GTF2IRD2: variants seen among roughly 807,000 people sequenced by gnomAD.
GTF2IRD2 encodes general transcription factor II-I repeat domain-containing protein 2A.
In GTF2IRD2, 8 loss-of-function variants were observed where a neutral mutation model predicts 49.2. That is an observed-to-expected ratio of 0.16 (90% CI 0.10 to 0.29). The LOEUF is 0.29. Among genes scored for constraint, GTF2IRD2 ranks in the 10% least tolerant of loss-of-function variants. GTF2IRD2 has a pLI of 1.00. For missense variants in GTF2IRD2, 130 were observed against 725.7 expected (o/e 0.18, Z 9.43); for synonymous variants, 47 against 289.7 (o/e 0.16, Z 8.51).
intron 15 of GTF2IRD2, 152 bp from the exon 16 acceptor site, chr7:74,798,417 G>A (rs1554416616): frequency 3.2e-6 from 2 of 615,960 alleles, no homozygotes; most frequent in African/African-American, 3.7e-5. Flanking sequence ...CCTGCAGAGG[G>A]ACGGCTGACC....
chr7:74,838,409 GT>G (rs1335719529), intron 1 of GTF2IRD2, among the ~76,000 whole-genome samples: 3 of 92,796 alleles, frequency 3.2e-5, no homozygotes, highest in African/African-American at 2.1e-4. Context: ...CTTTTTGTTT[GT>G]TTTGTTTTTA....
Position 74,839,084 on chromosome 7 carries a change from T to A in GTF2IRD2, c.-5-2701A>T, listed in dbSNP as rs1460072185. 3.6e-4 allele frequency among the ~76,000 whole-genome samples: 9 copies of A among 25,030 alleles called. 4 individuals carry two copies. The highest frequency in any genetic ancestry group is 4.6e-4 in the Non-Finnish European group (7 of 15,326). The allele number at this position is 25,030 out of a possible 152,430, so 16.4% of individuals were successfully genotyped here. ...GGATTACAGGCAGGCGCCACCATGC[T>A]CGGCTAATTTTTGTATTTTTAGTAG... On this transcript the variant is annotated intron_variant, in intron 1 of 15. Transcript: ENST00000451013.
rs1412698795 is a variant in GTF2IRD2 at position 74,815,845 on chromosome 7, A to C, written c.671-3029T>G. 1.1e-3 allele frequency among the ~76,000 whole-genome samples: 119 copies of C among 108,612 alleles called. 2 individuals are homozygous for C. The South Asian group carries it at 0.037, about 33-fold the overall frequency. The allele number at this position is 108,612 out of a possible 152,430, so 71.3% of individuals were successfully genotyped here. A position where few individuals can be genotyped will look rare whatever the true frequency, so the allele number is the denominator to read the frequency against. On this transcript the variant is annotated intron_variant, in intron 8 of 15. Transcript: ENST00000451013. ...AAGAAAGAAAGAAAGAAAGAAAGAA[A>C]GAAAGAAAGAAAGAAAGAAAGAGAA...
intron 3 of GTF2IRD2, among the ~76,000 whole-genome samples, chr7:74,826,699 C>CTTTTTTTTT (rs1175596623): frequency 6.0e-5 from 1 of 16,600 alleles, no homozygotes; most frequent in Non-Finnish European, 9.8e-5. Context: ...TCATTTCATT[C>CTTTTTTTTT]TTTTTTTTTT....
chr7:74,831,218 C>G (rs1242153005), intron 3 of GTF2IRD2, among the ~76,000 whole-genome samples: 1 of 150,754 alleles, frequency 6.6e-6, no homozygotes, highest in Non-Finnish European at 1.5e-5. Context: ...CTCTCTCTCT[C>G]TATCCATTCA....
rs1238505309 is a variant in GTF2IRD2 at position 74,810,575 on chromosome 7, C to T, written c.805+321G>A. ...CAGCACTATGGGAGGCAGAGGTGGACGGATCACTTGAGGTCAGGAGTTCAA... is the reference window on the plus strand; with the variant it reads ...CAGCACTATGGGAGGCAGAGGTGGATGGATCACTTGAGGTCAGGAGTTCAA... On this transcript the variant is annotated intron_variant, in intron 10 of 15. Transcript: ENST00000451013. Among the ~76,000 whole-genome samples, 4 of 78,964 alleles carry T rather than the reference C, an allele frequency of 5.1e-5. 1 individual carries two copies. Among genetic ancestry groups the T allele is most frequent in the Non-Finnish European group, 6.5e-5 (2 of 30,722 alleles). The allele number at this position is 78,964 out of a possible 152,430, so 51.8% of individuals were successfully genotyped here.
In GTF2IRD2 at chr7:74,809,859, T is replaced by A. The variant is rs1462297648; in HGVS notation, c.806-686A>T. Among the ~76,000 whole-genome samples the A allele has an allele frequency of 3.7e-4, 42 of 112,526 alleles. 2 individuals carry two copies. Among genetic ancestry groups the A allele is most frequent in the Admixed American group, 1.5e-3 (15 of 10,132 alleles). 73.8% of individuals were successfully genotyped at this position (112,526 alleles called of 152,430 possible). On this transcript the variant is annotated intron_variant, in intron 10 of 15. Coordinates refer to ENST00000451013, the MANE Select transcript of GTF2IRD2 (RefSeq NM_173537.5). ...CCCAGGCTGGAGTGGAATGGTGCGATTTCGGCTCACTGCAGCCTCCGCCTC... is the reference window on the plus strand; with the variant it reads ...CCCAGGCTGGAGTGGAATGGTGCGAATTCGGCTCACTGCAGCCTCCGCCTC...
chr7:74,818,647 G>T (rs1219086710), intron 8 of GTF2IRD2, among the ~76,000 whole-genome samples: 5 of 132,652 alleles, frequency 3.8e-5, no homozygotes, highest in Non-Finnish European at 7.5e-5. Flanking sequence ...ATGAAGTCTC[G>T]CCATGTTGCC....
chr7:74,810,159 C>T (rs1175443722), intron 10 of GTF2IRD2, among the ~76,000 whole-genome samples: 1 of 13,062 alleles, frequency 7.7e-5, no homozygotes, highest in Non-Finnish European at 1.9e-4. Flanking sequence ...AGGCTTTATT[C>T]ATATGATGCT....
Position 74,796,299 on chromosome 7 carries a change from T to A in GTF2IRD2, c.*363A>T. 3.1e-6 allele frequency: 1 copy of A among 320,632 alleles called. No individual in the cohort carries two copies. Among genetic ancestry groups the A allele is most frequent in the Non-Finnish European group, 6.0e-6 (1 of 165,366 alleles). The allele number at this position is 320,632 out of a possible 1,614,324, so 19.9% of individuals were successfully genotyped here. A position where few individuals can be genotyped will look rare whatever the true frequency, so the allele number is the denominator to read the frequency against. ...CATTTTGTCAGCTGGGCACAGTGGT[T>A]CATGCCTGTAATCCCAGCACTTTGT... On this transcript the variant is annotated 3_prime_UTR_variant, in exon 16 of 16. Coordinates refer to ENST00000451013, the MANE Select transcript of GTF2IRD2 (RefSeq NM_173537.5).
intron 4 of GTF2IRD2, among the ~76,000 whole-genome samples, chr7:74,824,211 G>A (rs1296018412): frequency 7.9e-6 from 1 of 126,064 alleles, no homozygotes; most frequent in African/African-American, 3.2e-5. Context: ...GCTCACACCT[G>A]TAATCTCAGC....
intron 10 of GTF2IRD2, among the ~76,000 whole-genome samples, chr7:74,809,912 GCCTCCCGAGTAGCTGGGATTACA>G (rs1798025820): frequency 1.9e-5 from 1 of 53,444 alleles, no homozygotes; most frequent in African/African-American, 5.9e-5. Flanking sequence ...TCGTGCCTCA[GCCTCCCGAGTAGCTGGGATTACA>G]GGTGCCTGCC....
chr7:74,842,343 C>CCT lies in GTF2IRD2; in HGVS notation c.-5-5962_-5-5961dup, dbSNP rs1208916297. On this transcript the variant is annotated intron_variant, in intron 1 of 15. Transcript: ENST00000451013. ...CTTCTGGGTTCAAGCGATTCTCCTG[C>CCT]CTCAGCCTCCTGAGTAGCTAGGATT... Among the ~76,000 whole-genome samples, 2 of 134,092 alleles carry CCT rather than the reference C, an allele frequency of 1.5e-5. 1 individual carries two copies. The highest frequency in any genetic ancestry group is 6.1e-5 in the African/African-American group (2 of 32,716). 88.0% of individuals were successfully genotyped at this position (134,092 alleles called of 152,430 possible).
intron 2 of GTF2IRD2, among the ~76,000 whole-genome samples, chr7:74,833,295 A>C (rs1353831490): frequency 2.0e-5 from 2 of 101,934 alleles, no homozygotes; most frequent in Non-Finnish European, 4.0e-5. Flanking sequence ...GTTAGCCAGG[A>C]TGGTCTCGAT....
intron 10 of GTF2IRD2, among the ~76,000 whole-genome samples, chr7:74,809,970 T>C (rs1182368757): frequency 2.0e-5 from 1 of 49,464 alleles, no homozygotes; most frequent in Non-Finnish European, 4.2e-5. Context: ...ATTTTTGTAT[T>C]TTTAGTAGAG....
Position 74,836,018 on chromosome 7 carries a change from G to A in GTF2IRD2, c.99+262C>T, listed in dbSNP as rs1800280226. On this transcript the variant is annotated intron_variant, in intron 2 of 15. Transcript: ENST00000451013. The stretch of plus-strand genomic sequence containing the variant: ...AAAACAAAAATTAGCTGGATGTGGT[G>A]GCTGGTGCCTATAATCCCAGCTACC... 1.5e-5 allele frequency among the ~76,000 whole-genome samples: 2 copies of A among 130,218 alleles called. 1 individual carries two copies. Among genetic ancestry groups the A allele is most frequent in the African/African-American group, 8.3e-5 (2 of 24,186 alleles). 85.4% of individuals were successfully genotyped at this position (130,218 alleles called of 152,430 possible). A position where few individuals can be genotyped will look rare whatever the true frequency, so the allele number is the denominator to read the frequency against.
Position 74,829,889 on chromosome 7 carries a change from A to AAAAAACAAAAAC in GTF2IRD2, c.238+2915_238+2916insGTTTTTGTTTTT, listed in dbSNP as rs1448791079. ...GGCGATAGAGCGAGATTCTGTCTCA[A>AAAAAACAAAAAC]AAAAAAAAAAAAATTCATATGGAAC... On this transcript the variant is annotated intron_variant, in intron 3 of 15. Coordinates refer to ENST00000451013, the MANE Select transcript of GTF2IRD2 (RefSeq NM_173537.5). Among the ~76,000 whole-genome samples the AAAAAACAAAAAC allele has an allele frequency of 1.8e-4, 12 of 67,768 alleles. 1 individual carries two copies. Among genetic ancestry groups the AAAAAACAAAAAC allele is most frequent in the African/African-American group, 4.8e-4 (12 of 25,028 alleles). 44.5% of individuals were successfully genotyped at this position (67,768 alleles called of 152,430 possible).
At chr7:74,827,081 G>A (rs1799469419) in intron 3 of GTF2IRD2, among the ~76,000 whole-genome samples, 1 of 150,150 alleles carries the variant, frequency 6.7e-6, no homozygotes, top group East Asian at 2.0e-4. Flanking sequence ...CCCGTCATCT[G>A]GTGATGGATG....
At chr7:74,826,866 C>T (rs1160233541) in intron 3 of GTF2IRD2, among the ~76,000 whole-genome samples, 1 of 149,654 alleles carries the variant, frequency 6.7e-6, no homozygotes, top group South Asian at 2.1e-4. Flanking sequence ...CATGCACCAC[C>T]GCCCCCGGCT....
Sources: gnomAD v4.1 joint callset for allele counts (sites outside exome capture counted in the v4.1 genomes callset) on GRCh38, gnomAD v4.1.1 for gene constraint, MANE v1.5 for transcripts, NCBI Gene and HGNC (gene_info 2026-07-23, HGNC 2026-07-21) for gene names.